BMPR1B: variants seen among roughly 807,000 people sequenced by gnomAD.
BMPR1B encodes the protein bone morphogenetic protein receptor type 1B, also known as bone morphogenetic protein receptor type-1B.
Under a neutral mutation model 59.1 loss-of-function variants are expected in BMPR1B, and 12 were observed. The observed-to-expected ratio is 0.20, with a 90% confidence interval of 0.13 to 0.33. The LOEUF (loss-of-function observed/expected upper bound fraction) is 0.33, where lower values mean the gene tolerates loss of function less well. Among genes scored for constraint, BMPR1B ranks in the 10% least tolerant of loss-of-function variants. BMPR1B has a pLI of 1.00. For synonymous variants in BMPR1B, 237 were observed against 207.3 expected, an observed-to-expected ratio of 1.14 and a Z score of -1.23; for missense variants, 550 against 610.9, an observed-to-expected ratio of 0.90 and a Z score of 1.05.
chr4:94,758,779 A>AT (rs1721636698), intron 1 of BMPR1B, among the ~76,000 whole-genome samples: 1 of 148,108 alleles, frequency 6.8e-6, no homozygotes, highest in Non-Finnish European at 1.5e-5. Flanking sequence ...TCCTCTCCTT[A>AT]TTGCTATCCT....
chr4:94,948,615 T>G (rs552289176), intron 2 of BMPR1B, among the ~76,000 whole-genome samples: 1 of 152,170 alleles, frequency 6.6e-6, no homozygotes, highest in Non-Finnish European at 1.5e-5. Flanking sequence ...GTCAGGTCCT[T>G]TTTTTAAAGA....
At chr4:95,011,240 A>T (rs141562057) in intron 3 of BMPR1B, among the ~76,000 whole-genome samples, 4 of 147,314 alleles carry the variant, frequency 2.7e-5, no homozygotes, top group African/African-American at 7.5e-5. Context: ...CCCTCCGCCC[A>T]CCCTCCACCC....
chr4:94,956,007 G>A (rs1215177871), intron 2 of BMPR1B, among the ~76,000 whole-genome samples: 1 of 152,110 alleles, frequency 6.6e-6, no homozygotes, highest in Non-Finnish European at 1.5e-5. Flanking sequence ...GGAATCAGAT[G>A]TTGCCAATAG....
At chr4:94,942,969 G>A (rs1180095092) in intron 2 of BMPR1B, among the ~76,000 whole-genome samples, 1 of 152,132 alleles carries the variant, frequency 6.6e-6, no homozygotes, top group Non-Finnish European at 1.5e-5. Context: ...TTAAGGCACT[G>A]CAGTATCTTC....
At chr4:94,815,546 A>G (rs138061685) in intron 1 of BMPR1B, among the ~76,000 whole-genome samples, 1 of 152,328 alleles carries the variant, frequency 6.6e-6, no homozygotes, top group East Asian at 1.9e-4. Context: ...TTAGTGATGT[A>G]CAGTCAATAT....
chr4:95,089,059 C>T (rs956988692), intron 3 of BMPR1B, among the ~76,000 whole-genome samples: 1 of 151,914 alleles, frequency 6.6e-6, no homozygotes, highest in Non-Finnish European at 1.5e-5. Flanking sequence ...GGTCCTTTGC[C>T]CCCATATTAG....
chr4:94,795,119 C>T (rs1448229042), intron 1 of BMPR1B, among the ~76,000 whole-genome samples: 1 of 143,876 alleles, frequency 7.0e-6, no homozygotes, highest in Admixed American at 6.9e-5. Context: ...GGAATGCTTC[C>T]AGTTTTTGCC....
intron 6 of BMPR1B, among the ~76,000 whole-genome samples, chr4:95,120,717 TTCTC>T (rs1209473475): frequency 2.7e-5 from 4 of 146,132 alleles, no homozygotes; most frequent in African/African-American, 1.0e-4. Flanking sequence ...CTCTCTCTCT[TTCTC>T]TCTCTCTCTT....
intron 2 of BMPR1B, among the ~76,000 whole-genome samples, chr4:94,902,075 GT>G (rs1727834744): frequency 5.2e-5 from 7 of 135,198 alleles, no homozygotes; most frequent in South Asian, 2.2e-4. Flanking sequence ...GTGTGTGTGT[GT>G]GTGTGTGTGT....
chr4:94,974,559 G>T (rs1730939285), intron 2 of BMPR1B, among the ~76,000 whole-genome samples: 1 of 152,080 alleles, frequency 6.6e-6, no homozygotes, highest in African/African-American at 2.4e-5. Flanking sequence ...TCTGCTTGCT[G>T]TATTTCTTAC....
intron 1 of BMPR1B, among the ~76,000 whole-genome samples, chr4:94,832,777 C>A (rs1364321277): frequency 6.7e-6 from 1 of 150,336 alleles, no homozygotes; most frequent in Non-Finnish European, 1.5e-5. Flanking sequence ...AGTAATGCTC[C>A]GTCTCAAAAA....
chr4:94,865,535 C>T (rs190485978), intron 1 of BMPR1B, among the ~76,000 whole-genome samples: 169 of 152,094 alleles, frequency 1.1e-3, no homozygotes, highest in African/African-American at 3.5e-3. Flanking sequence ...GAATTACAGG[C>T]GCTCGCCGCC....
intron 2 of BMPR1B, among the ~76,000 whole-genome samples, chr4:94,890,816 C>G (rs1165268422): frequency 6.6e-6 from 1 of 151,936 alleles, no homozygotes; most frequent in African/African-American, 2.4e-5. Context: ...TCCTCATGAT[C>G]TCATGTAAAC....
chr4:94,860,975 A>T (rs1725955855), intron 1 of BMPR1B, among the ~76,000 whole-genome samples: 1 of 132,502 alleles, frequency 7.5e-6, no homozygotes, highest in South Asian at 2.1e-4. Context: ...TGCTGTGATT[A>T]AGATAAAAGT....
intron 1 of BMPR1B, among the ~76,000 whole-genome samples, chr4:94,804,859 C>T (rs903483362): frequency 2.0e-5 from 3 of 152,090 alleles, no homozygotes; most frequent in Admixed American, 6.5e-5. Context: ...TGAAATGTTT[C>T]GCTTGGCTGC....
intron 2 of BMPR1B, among the ~76,000 whole-genome samples, chr4:94,945,561 A>G (rs376548847): frequency 1.2e-4 from 18 of 152,252 alleles, no homozygotes; most frequent in African/African-American, 4.3e-4. Flanking sequence ...CTTCTTCCCC[A>G]GTAGCTGGGA....
At chr4:95,125,477 T>C (rs1225771826) in intron 8 of BMPR1B, among the ~76,000 whole-genome samples, 1 of 152,176 alleles carries the variant, frequency 6.6e-6, no homozygotes, top group Non-Finnish European at 1.5e-5. Context: ...AACTGGCTTC[T>C]CAGTATTTCT....
intron 2 of BMPR1B, among the ~76,000 whole-genome samples, chr4:94,987,055 T>C (rs1721454294): frequency 7.0e-6 from 1 of 142,164 alleles, no homozygotes; most frequent in South Asian, 2.2e-4. Flanking sequence ...AAAATATATA[T>C]ATATATAATA....
intron 2 of BMPR1B, among the ~76,000 whole-genome samples, chr4:94,926,537 G>T (rs1057104535): frequency 6.6e-5 from 10 of 152,078 alleles, no homozygotes; most frequent in Non-Finnish European, 1.0e-4. Context: ...TGGATACTCT[G>T]GGGACCTTTC....
Sources: allele counts gnomAD v4.1 joint callset (sites outside exome capture counted in the v4.1 genomes callset), GRCh38; gene constraint gnomAD v4.1.1; transcripts MANE v1.5; gene names NCBI Gene and HGNC (gene_info 2026-07-23, HGNC 2026-07-21).